TLN1: variants seen among roughly 807,000 people sequenced by gnomAD.
TLN1 encodes talin 1, also known as talin-1.
Under a neutral mutation model 292.3 loss-of-function variants are expected in TLN1, and 56 were observed. The observed-to-expected ratio is 0.19, with a 90% CI of 0.15 to 0.24. The LOEUF (loss-of-function observed/expected upper bound fraction) is 0.24, where lower values mean the gene tolerates loss of function less well. Among genes scored for constraint, TLN1 ranks in the 10% least tolerant of loss-of-function variants. The pLI, the probability that TLN1 is intolerant of heterozygous loss-of-function variation, is 1.00. For synonymous variants in TLN1, 1,119 were observed against 1,253.7 expected, an observed-to-expected ratio of 0.89 and a Z score of 2.27; for missense variants, 2,433 against 3,248.2, an observed-to-expected ratio of 0.75 and a Z score of 6.10.
At chr9:35,720,014 A>T (rs199761062) in intron 13 of TLN1, 25 bp downstream of exon 13, 61 of 1,577,522 alleles carry the variant, frequency 3.9e-5, no homozygotes, top group Non-Finnish European at 5.2e-5. Flanking sequence ...GGGCCCTGGC[A>T]CCGTGGTGGA....
At position 35,706,186 on chromosome 9, in the gene TLN1, C is replaced by T. The variant is rs1041891392; in HGVS notation, c.5361+10G>A. On this transcript the variant is annotated intron_variant, in intron 40 of 56. Coordinates refer to ENST00000314888, the MANE Select transcript of TLN1 (RefSeq NM_006289.4). The surrounding 1 kb of genome is among the most constrained non-coding windows in gnomAD (Gnocchi z 4.2). ...GCTAGTAACAGCTCCTCCCTCCCAACCCTCAATACCTTTGGGTTACCACCA... is the reference window on the plus strand; with the variant it reads ...GCTAGTAACAGCTCCTCCCTCCCAATCCTCAATACCTTTGGGTTACCACCA... 3.1e-6 allele frequency: 5 copies of T among 1,608,710 alleles called. No homozygotes were observed. The highest frequency in any genetic ancestry group is 4.2e-6 in the Non-Finnish European group (5 of 1,176,794).
intron 17 of TLN1, among the ~76,000 whole-genome samples, chr9:35,718,242 T>G (rs1412083363): frequency 1.3e-5 from 2 of 152,190 alleles, no homozygotes; most frequent in Admixed American, 6.5e-5. Context: ...TCGCCAGGCC[T>G]CCTCATCTCC....
rs754442249 is a variant in TLN1, at chr9:35,707,260, A to C, written c.4774-7T>G. On this transcript the variant is annotated splice_region_variant and splice_polypyrimidine_tract_variant and intron_variant, in intron 36 of 56. Transcript: ENST00000314888. The surrounding 1 kb of genome is among the most constrained non-coding windows in gnomAD (Gnocchi z 5.6). ...GCTCCATGGCAGCCCGACCCTGGGG[A>C]GAGGGGAGGCAGGAAGGTAAGTCTC... is the stretch of plus-strand genomic sequence containing the variant. The C allele has an allele frequency of 2.3e-5, 37 of 1,602,756 alleles. No individual in the cohort carries two copies. The highest frequency in any genetic ancestry group is 2.8e-5 in the Non-Finnish European group (33 of 1,172,258).
Position 35,719,828 on chromosome 9 carries a change from C to A in TLN1, c.1490G>T (p.Gly497Val). ...GGCCTGCATGCTGGAGTTAATGGTT[C>A]CAGTGAGTGCCTGCTGGGCTGAAGT... is the stretch of plus-strand genomic sequence containing the variant. ...PLTSAQQALT[G>V]TINSSMQAVQ... is the part of the protein sequence containing the mutation. The change falls in exon 14 of 57, where the codon GGA (glycine) becomes GTA (valine). Residue 497 changes from glycine to valine, a missense_variant. By Grantham distance (109) the Gly-to-Val change is moderately radical. Coordinates refer to ENST00000314888, the MANE Select transcript of TLN1 (RefSeq NM_006289.4). This position sits in a 1 kb window ranked among gnomAD's most constrained non-coding sequence, Gnocchi z 4.6. 1.9e-6 allele frequency: 3 copies of A among 1,592,212 alleles called. No homozygotes were observed. The highest frequency in any genetic ancestry group is 2.6e-6 in the Non-Finnish European group (3 of 1,169,034).
chr9:35,724,602 G>A lies in TLN1; in HGVS notation c.481C>T (p.Leu161=). The change falls in exon 5 of 57, where the codon CTA becomes TTA. Residue 161 remains leucine (L), a synonymous_variant. Coordinates refer to ENST00000314888, the MANE Select transcript of TLN1 (RefSeq NM_006289.4). This position sits in a 1 kb window ranked among gnomAD's most constrained non-coding sequence, Gnocchi z 4.7. ...LLRDEKKMEK[L]KQKLHTDDEL... ...TCATCTGTGTGCAATTTCTGCTTTA[G>A]TTTCTCCATCTTCTTTTCATCTCGC... 1 of 1,614,080 alleles carries A rather than the reference G, an allele frequency of 6.2e-7. No homozygotes were observed. The highest frequency in any genetic ancestry group is 1.7e-5 in the Admixed American group (1 of 60,014).
chr9:35,699,982 C>G lies in TLN1; in HGVS notation c.6760G>C (p.Val2254Leu). ...ANGYLELLDH[V>L]LLTLQKPSPE... Reference sequence around the variant, plus strand: ...GCAACGCCCTCCCTTACCAGCAGTACATGGTCCAGCAGTTCCAGGTAGCCA... The same window carrying G: ...GCAACGCCCTCCCTTACCAGCAGTAGATGGTCCAGCAGTTCCAGGTAGCCA... The change falls in exon 50 of 57, where the codon GTA becomes CTA. Residue 2254 changes from valine to leucine, a missense_variant. By Grantham distance (32) the Val-to-Leu change is conservative. Transcript: ENST00000314888. This position sits in a 1 kb window ranked among gnomAD's most constrained non-coding sequence, Gnocchi z 4.0. 6.2e-7 allele frequency: 1 copy of G among 1,611,712 alleles called. No individual in the cohort carries two copies. The highest frequency in any genetic ancestry group is 8.5e-7 in the Non-Finnish European group (1 of 1,178,426).
At chr9:35,716,333 G>A (rs143518623) in intron 20 of TLN1, 57 bp downstream of exon 20, 6 of 1,595,672 alleles carry the variant, frequency 3.8e-6, no homozygotes, top group East Asian at 2.2e-5. Context: ...TGACCATCTG[G>A]ACTGCTCTAC....
rs1385927081 is a variant in TLN1 at position 35,724,973 on chromosome 9, A to G, written c.229-14T>C. 1 of 1,613,828 alleles carries G rather than the reference A, an allele frequency of 6.2e-7. No individual in the cohort carries two copies. The highest frequency in any genetic ancestry group is 8.5e-7 in the Non-Finnish European group (1 of 1,180,038). On this transcript the variant is annotated splice_polypyrimidine_tract_variant and intron_variant, in intron 3 of 56. Transcript: ENST00000314888. The surrounding 1 kb of genome is among the most constrained non-coding windows in gnomAD (Gnocchi z 4.7). ...CTCCATAGTGTCCTGTTAGGGCAGG[A>G]AGAAGAGACAGGGGCCTACTCTGAG... is the stretch of plus-strand genomic sequence containing the variant.
At position 35,699,133 on chromosome 9, in the gene TLN1, C is replaced by T; in HGVS notation, c.6898G>A (p.Asp2300Asn). 1.2e-6 allele frequency: 2 copies of T among 1,612,702 alleles called. No individual in the cohort carries two copies. The highest frequency in any genetic ancestry group is 1.7e-5 in the Admixed American group (1 of 59,808). Residue 2300 changes from aspartate (D) to asparagine (N), a missense_variant, in exon 52 of 57, where the codon GAC becomes AAC. Physicochemically the swap from Asp to Asn is conservative, Grantham distance 23. This residue lies in a region of TLN1 where 1,384 missense variants were observed against 1,699.6 expected (regional missense o/e 0.81). Transcript: ENST00000314888. This position sits in a 1 kb window ranked among gnomAD's most constrained non-coding sequence, Gnocchi z 4.0. ...TCATTCTCAGCAATGACTGTGGGGTCCTCTGGGTCTACCCATTCTGTTCCT... is the reference window on the plus strand; with the variant it reads ...TCATTCTCAGCAATGACTGTGGGGTTCTCTGGGTCTACCCATTCTGTTCCT... ...MKGTEWVDPE[D>N]PTVIAENELL...
Position 35,697,838 on chromosome 9 carries a change from G to C in TLN1, c.7579C>G (p.Gln2527Glu), listed in dbSNP as rs1825393349. ...EARKKLAQIRQQQYKFLPSEL... is the reference protein window; with the variant it reads ...EARKKLAQIREQQYKFLPSEL... ...GAAGGCAGAAACTTGTACTGCTGCTGCCGGATCTGGGCCAGTTTCTTCCGC... is the reference window on the plus strand; with the variant it reads ...GAAGGCAGAAACTTGTACTGCTGCTCCCGGATCTGGGCCAGTTTCTTCCGC... Residue 2527 changes from glutamine to glutamate, a missense_variant, in exon 57 of 57, where the codon CAG becomes GAG. Transcript: ENST00000314888. The C allele has an allele frequency of 6.2e-7, 1 of 1,614,064 alleles. No individual in the cohort carries two copies. The highest frequency in any genetic ancestry group is 8.5e-7 in the Non-Finnish European group (1 of 1,180,040).
chr9:35,697,263 G>C lies in TLN1; in HGVS notation c.*528C>G, dbSNP rs1825382964. Reference sequence around the variant, plus strand: ...CATTTCAAGCTGGATCAAGCTGGGTGACAGAATTCAACCCCACTGTCTCTC... The same window carrying C: ...CATTTCAAGCTGGATCAAGCTGGGTCACAGAATTCAACCCCACTGTCTCTC... On this transcript the variant is annotated 3_prime_UTR_variant, in exon 57 of 57. Transcript: ENST00000314888. 1 of 153,390 alleles carries C rather than the reference G, an allele frequency of 6.5e-6. No individual in the cohort carries two copies. Among genetic ancestry groups the C allele is most frequent in the African/African-American group, 2.4e-5 (1 of 41,480 alleles). 9.5% of individuals were successfully genotyped at this position (153,390 alleles called of 1,614,324 possible). A position where few individuals can be genotyped will look rare whatever the true frequency, so the allele number is the denominator to read the frequency against.
In TLN1 at chr9:35,706,970, T is replaced by C. The variant is rs1389687782; in HGVS notation, c.4956-70A>G. On this transcript the variant is annotated intron_variant, in intron 37 of 56. Coordinates refer to ENST00000314888, the MANE Select transcript of TLN1 (RefSeq NM_006289.4). The surrounding 1 kb of genome is among the most constrained non-coding windows in gnomAD (Gnocchi z 4.2). ...GCAAGGCCAGCCTATCCTTCCCCTG[T>C]ATCCTCCCAACACCATCCCATCTCA... is the stretch of plus-strand genomic sequence containing the variant. 12 of 1,609,210 alleles carry C rather than the reference T, an allele frequency of 7.5e-6. No individual in the cohort carries two copies. The highest frequency in any genetic ancestry group is 9.3e-6 in the Non-Finnish European group (11 of 1,177,982).
chr9:35,729,738 A>T (rs1184129791), intron 1 of TLN1, among the ~76,000 whole-genome samples: 1 of 152,192 alleles, frequency 6.6e-6, no homozygotes, highest in Non-Finnish European at 1.5e-5. Flanking sequence ...ACAGCTTCCT[A>T]TCATCAGCAG....
chr9:35,704,968 T>C lies in TLN1; in HGVS notation c.5734-153A>G, dbSNP rs1442362797. Among the ~76,000 whole-genome samples the C allele has an allele frequency of 2.0e-5, 3 of 152,210 alleles. No individual in the cohort carries two copies. The highest frequency in any genetic ancestry group is 7.2e-5 in the African/African-American group (3 of 41,450). On this transcript the variant is annotated intron_variant, in intron 43 of 56. Transcript: ENST00000314888. This position sits in a 1 kb window ranked among gnomAD's most constrained non-coding sequence, Gnocchi z 6.9. ...GTTCCCAGCACAAGGACGTTTCCGG[T>C]TGCATATCCTTTAGGCAGAAGGTCA...
In TLN1 at chr9:35,711,719, G is replaced by C; in HGVS notation, c.3755C>G (p.Ala1252Gly). The C allele has an allele frequency of 1.9e-6, 3 of 1,614,144 alleles. No individual in the cohort carries two copies. The highest frequency in any genetic ancestry group is 2.5e-6 in the Non-Finnish European group (3 of 1,180,036). ...AGAGGCCTGCACCAGTTCTGTGGCT[G>C]CCTGATTCAGCCCAGCAGCAGCTTC... ...LNEAAAGLNQ[A>G]ATELVQASRG... Residue 1252 changes from alanine (A) to glycine (G), a missense_variant, in exon 29 of 57, where the codon GCA (alanine) becomes GGA (glycine). Physicochemically the swap from Ala to Gly is moderately conservative, Grantham distance 60. Transcript: ENST00000314888.
chr9:35,722,484 G>A (rs965046015), intron 8 of TLN1, among the ~76,000 whole-genome samples: 1 of 152,198 alleles, frequency 6.6e-6, no homozygotes, highest in African/African-American at 2.4e-5. Context: ...CAAAGAGAAG[G>A]CCTTCTGGGC....
intron 48 of TLN1, among the ~76,000 whole-genome samples, chr9:35,702,554 G>A (rs980493613): frequency 4.0e-5 from 6 of 151,732 alleles, no homozygotes; most frequent in African/African-American, 1.2e-4. Flanking sequence ...GTGCAGTGGC[G>A]CCATCTTGGC....
chr9:35,708,372 C>T lies in TLN1; in HGVS notation c.4439G>A (p.Ser1480Asn), dbSNP rs1587980004. 6.2e-7 allele frequency: 1 copy of T among 1,611,316 alleles called. No individual in the cohort carries two copies. The highest frequency in any genetic ancestry group is 2.2e-5 in the East Asian group (1 of 44,678). ...ANQAIQMACQ[S>N]LGEPGCTQAQ... Reference sequence around the variant, plus strand: ...CTGGGTACAGCCAGGCTCTCCCAAACTCTGGCAGGCCATCTGAATTGCCTG... The same window carrying T: ...CTGGGTACAGCCAGGCTCTCCCAAATTCTGGCAGGCCATCTGAATTGCCTG... The change falls in exon 34 of 57, where the codon AGT (serine) becomes AAT (asparagine). Residue 1480 changes from serine (S) to asparagine (N), a missense_variant. Ser to Asn is a conservative substitution (Grantham distance 46, BLOSUM62 1). Around this residue, in one of 7 missense-constraint regions of TLN1, gnomAD observed 1,384 missense variants for 1,699.6 expected, o/e 0.81. Transcript: ENST00000314888.
intron 34 of TLN1, 155 bp from the exon 35 acceptor site, chr9:35,708,047 G>T: frequency 1.1e-6 from 1 of 890,912 alleles, no homozygotes; most frequent in Non-Finnish European, 1.7e-6. Context: ...CTAGGAGACA[G>T]AGATACCCAA....
Sources: allele counts gnomAD v4.1 joint callset (sites outside exome capture counted in the v4.1 genomes callset), GRCh38; gene constraint gnomAD v4.1.1; regional missense constraint gnomAD v4.1.1; non-coding constraint Gnocchi (gnomAD v3.1); transcripts MANE v1.5; gene names NCBI Gene and HGNC (gene_info 2026-07-23, HGNC 2026-07-21).